The following SWT1 variants were observed in gnomAD, a reference collection of about 807,000 sequenced individuals.
SWT1 encodes the protein transcriptional protein SWT1.
SWT1 carries 33 observed loss-of-function variants against 107.3 expected under a neutral mutation model. That is an observed-to-expected ratio of 0.31 (90% confidence interval 0.23 to 0.41). The LOEUF (loss-of-function observed/expected upper bound fraction) is 0.41. Ranked by LOEUF, SWT1 falls within the 10% of genes least tolerant of loss-of-function variation. The probability of loss-of-function intolerance (pLI) is 1.00; values close to 1 mark genes in which losing one functional copy is unlikely to be tolerated. For missense variants in SWT1, 898 were observed against 1,028.9 expected (o/e 0.87, Z 1.74); for synonymous variants, 345 against 348.3 (o/e 0.99, Z 0.11).
At chr1:185,179,672 A>G (rs769169811) in intron 5 of SWT1, among the ~76,000 whole-genome samples, 23 of 152,188 alleles carry the variant, frequency 1.5e-4, no homozygotes, top group Non-Finnish European at 2.6e-4. Flanking sequence ...CTGAAGGCCA[A>G]CTTGTTTACC....
At chr1:185,254,530 T>G (rs1468851488) in intron 16 of SWT1, among the ~76,000 whole-genome samples, 7 of 147,058 alleles carry the variant, frequency 4.8e-5, no homozygotes, top group South Asian at 2.2e-4. Context: ...GTCGAGGAAT[T>G]TATCCATTTC....
intron 16 of SWT1, among the ~76,000 whole-genome samples, chr1:185,269,935 A>G (rs988730969): frequency 2.6e-5 from 4 of 152,232 alleles, no homozygotes; most frequent in Admixed American, 2.0e-4. Context: ...GATGTTTTCA[A>G]TTTACGATGG....
chr1:185,206,724 C>G lies in SWT1; in HGVS notation c.1933C>G (p.Leu645Val). 3 of 1,607,176 alleles carry G rather than the reference C, an allele frequency of 1.9e-6. No homozygotes were observed. Among genetic ancestry groups the G allele is most frequent in the Non-Finnish European group, 2.5e-6 (3 of 1,176,500 alleles). The change falls in exon 13 of 19, where the codon CTT becomes GTT. Residue 645 changes from leucine to valine, a missense_variant. Physicochemically the swap from Leu to Val is conservative, Grantham distance 32. Coordinates refer to ENST00000367500, the MANE Select transcript of SWT1 (RefSeq NM_017673.7). ...TGGATTAGTTATGGAAAAGAACTTG[C>G]TTTTAACTATTGAGAGCCTATACAA... ...VFGLVMEKNL[L>V]LTIESLYKNL... is the part of the protein sequence containing the mutation.
intron 13 of SWT1, among the ~76,000 whole-genome samples, chr1:185,211,431 A>G (rs184605705): frequency 1.1e-4 from 16 of 152,288 alleles, no homozygotes; most frequent in African/African-American, 1.2e-4. Flanking sequence ...TAAGTTACCA[A>G]TTTTTTAAGG....
intron 16 of SWT1, among the ~76,000 whole-genome samples, chr1:185,233,542 G>T (rs530652866): frequency 1.8e-4 from 28 of 152,166 alleles, no homozygotes; most frequent in Non-Finnish European, 3.5e-4. Context: ...CTTTATTTCT[G>T]CCTTCATTTC....
At chr1:185,171,741 T>C in intron 4 of SWT1, 1 of 441,760 alleles carries the variant, frequency 2.3e-6, no homozygotes, top group South Asian at 1.6e-5. Flanking sequence ...GGGCATTTTT[T>C]TTTTCTGTTG....
At chr1:185,187,581 G>T (rs759118539) in intron 9 of SWT1, among the ~76,000 whole-genome samples, 1 of 152,106 alleles carries the variant, frequency 6.6e-6, no homozygotes, top group East Asian at 1.9e-4. Context: ...AATTCTATTA[G>T]ATATTAAACA....
chr1:185,198,998 T>C (rs2102438923), intron 10 of SWT1, among the ~76,000 whole-genome samples: 1 of 150,978 alleles, frequency 6.6e-6, no homozygotes, highest in South Asian at 2.1e-4. Context: ...AGTACAGTGG[T>C]GAGATCTCAG....
intron 17 of SWT1, among the ~76,000 whole-genome samples, chr1:185,272,467 A>T (rs1186116744): frequency 2.0e-5 from 3 of 152,144 alleles, no homozygotes; most frequent in Non-Finnish European, 2.9e-5. Context: ...CTTCACTTTT[A>T]TTCCTGGTTA....
rs1657433241 is a variant in SWT1 at position 185,196,847 on chromosome 1, CT to C, written c.1524-5804del. 5.9e-5 allele frequency among the ~76,000 whole-genome samples: 9 copies of C among 151,366 alleles called. No individual in the cohort carries two copies. In the South Asian group the frequency reaches 1.9e-3, roughly 32 times the overall value. ...TGCACATTGATTTTGTATCCTGAGA[CT>C]TTAGAAAATATTTATATATTTAGAA... On this transcript the variant is annotated intron_variant, in intron 10 of 18. Coordinates refer to ENST00000367500, the MANE Select transcript of SWT1 (RefSeq NM_017673.7).
chr1:185,158,181 G>GA (rs1653798877), intron 1 of SWT1, among the ~76,000 whole-genome samples: 1 of 152,146 alleles, frequency 6.6e-6, no homozygotes. Context: ...GAACCCCGGG[G>GA]AAGAGATAGC....
Position 185,168,353 on chromosome 1 carries a change from C to T in SWT1, c.179C>T (p.Thr60Ile). The T allele has an allele frequency of 8.1e-7, 1 of 1,234,408 alleles. No individual in the cohort carries two copies. The highest frequency in any genetic ancestry group is 1.6e-5 in the South Asian group (1 of 64,500). The allele number at this position is 1,234,408 out of a possible 1,614,324, so 76.5% of individuals were successfully genotyped here. A position where few individuals can be genotyped will look rare whatever the true frequency, so the allele number is the denominator to read the frequency against. ...SEKRKLKSDH[T>I]DVLYYNIKRR... ...TATTTATTTCAGAAATCAGATCATA[C>T]AGATGTTCTGTACTATAATATAAAA... The change falls in exon 4 of 19, where the codon ACA becomes ATA. Residue 60 changes from threonine (T) to isoleucine (I), a missense_variant. Physicochemically the swap from Thr to Ile is moderately conservative, Grantham distance 89. Coordinates refer to ENST00000367500, the MANE Select transcript of SWT1 (RefSeq NM_017673.7).
At chr1:185,258,307 A>G (rs1662767858) in intron 16 of SWT1, among the ~76,000 whole-genome samples, 1 of 152,110 alleles carries the variant, frequency 6.6e-6, no homozygotes, top group Admixed American at 6.5e-5. Flanking sequence ...ATTTTCTAAC[A>G]TTATATAATG....
chr1:185,199,874 A>G (rs1657720934), intron 10 of SWT1, among the ~76,000 whole-genome samples: 1 of 152,110 alleles, frequency 6.6e-6, no homozygotes, highest in Non-Finnish European at 1.5e-5. Flanking sequence ...GTCATTTTCA[A>G]GTACACCAAT....
rs1411817724 is a variant in SWT1, at chr1:185,214,358, T to C, written c.1973-149T>C. On this transcript the variant is annotated intron_variant, in intron 13 of 18. Coordinates refer to ENST00000367500, the MANE Select transcript of SWT1 (RefSeq NM_017673.7). Reference sequence around the variant, plus strand: ...TAACTAAATCTATTTAATTATTGCTTTTTGTACCAGAGGGATAACTTAGGA... The same window carrying C: ...TAACTAAATCTATTTAATTATTGCTCTTTGTACCAGAGGGATAACTTAGGA... 4.6e-4 allele frequency: 220 copies of C among 482,274 alleles called. 2 individuals carry two copies. The highest frequency in any genetic ancestry group is 1.8e-5 in the Non-Finnish European group (5 of 281,214). The allele number at this position is 482,274 out of a possible 1,614,324, so 29.9% of individuals were successfully genotyped here.
At chr1:185,231,262 A>G (rs1365888049) in intron 15 of SWT1, among the ~76,000 whole-genome samples, 1 of 152,176 alleles carries the variant, frequency 6.6e-6, no homozygotes, top group African/African-American at 2.4e-5. Flanking sequence ...CATCCTGAGT[A>G]CTGACTTGAA....
At position 185,168,328 on chromosome 1, in the gene SWT1, T is replaced by A; in HGVS notation, c.166-12T>A. ...GTGCACAATTTATGTGTCCTTTTTT[T>A]ATTTATTTCAGAAATCAGATCATAC... On this transcript the variant is annotated splice_polypyrimidine_tract_variant and intron_variant, in intron 3 of 18. Transcript: ENST00000367500. 4 of 1,194,212 alleles carry A rather than the reference T, an allele frequency of 3.3e-6. No individual in the cohort carries two copies. Among genetic ancestry groups the A allele is most frequent in the Non-Finnish European group, 4.3e-6 (4 of 926,914 alleles). The allele number at this position is 1,194,212 out of a possible 1,614,324, so 74.0% of individuals were successfully genotyped here.
chr1:185,185,681 A>T (rs1444229373), intron 9 of SWT1, among the ~76,000 whole-genome samples: 1 of 152,194 alleles, frequency 6.6e-6, no homozygotes, highest in Non-Finnish European at 1.5e-5. Flanking sequence ...GAAAGAATTC[A>T]TCTTAAGAGG....
chr1:185,290,466 C>T (rs767203950), intron 18 of SWT1, among the ~76,000 whole-genome samples: 3 of 151,812 alleles, frequency 2.0e-5, no homozygotes, highest in Non-Finnish European at 2.9e-5. Flanking sequence ...TACATGTCCT[C>T]GCCACAAAAA....
Sources: gnomAD v4.1 joint callset for allele counts (sites outside exome capture counted in the v4.1 genomes callset) on GRCh38, gnomAD v4.1.1 for gene constraint, MANE v1.5 for transcripts, NCBI Gene and HGNC (gene_info 2026-07-23, HGNC 2026-07-21) for gene names.